The following FAM178B variants were observed in gnomAD, a reference collection of about 807,000 sequenced individuals.
The protein encoded by FAM178B is protein FAM178B.
FAM178B carries 82 observed loss-of-function variants against 91.7 expected under a neutral mutation model. The ratio of observed to expected loss-of-function variants is 0.89; its 90% CI spans 0.75 to 1.07. The LOEUF (loss-of-function observed/expected upper bound fraction) is 1.07. FAM178B is among the 50% of genes least tolerant of loss of function. FAM178B has a pLI of 0.00. For missense variants in FAM178B, 769 were observed against 846.7 expected (o/e 0.91, Z 1.14); for synonymous variants, 368 against 359.4 (o/e 1.02, Z -0.27).
chr2:96,888,445 G>A (rs1000214513), intron 14 of FAM178B, among the ~76,000 whole-genome samples: 1 of 152,244 alleles, frequency 6.6e-6, no homozygotes, highest in Non-Finnish European at 1.5e-5. Context: ...GGGACAGAGG[G>A]TAAGTGGCCT....
chr2:96,974,650 G>C (rs1287179174), intron 1 of FAM178B, among the ~76,000 whole-genome samples: 1 of 152,090 alleles, frequency 6.6e-6, no homozygotes, highest in Non-Finnish European at 1.5e-5. Flanking sequence ...GGTTGAAAAT[G>C]CAAGTATGCA....
chr2:96,928,956 C>T (rs903707295), intron 9 of FAM178B, among the ~76,000 whole-genome samples: 1 of 149,742 alleles, frequency 6.7e-6, no homozygotes, highest in Admixed American at 6.6e-5. Context: ...TCAAGACTAG[C>T]CTGGACAACG....
chr2:96,962,690 C>T (rs558544532), intron 5 of FAM178B, among the ~76,000 whole-genome samples: 3 of 152,304 alleles, frequency 2.0e-5, no homozygotes, highest in African/African-American at 7.2e-5. Context: ...GCTCAGCACA[C>T]ACGCAAGGTC....
intron 6 of FAM178B, chr2:96,956,863 A>G (rs1262823361): frequency 1.3e-5 from 2 of 152,134 alleles, no homozygotes; most frequent in Non-Finnish European, 2.9e-5. Flanking sequence ...CTTTTTATTT[A>G]TTATTATTTT....
chr2:96,923,644 G>C (rs938205103), intron 9 of FAM178B, 61 bp from the exon 10 acceptor site: 1 of 1,304,678 alleles, frequency 7.7e-7, no homozygotes, highest in African/African-American at 1.5e-5. Flanking sequence ...GGGCAGGAGT[G>C]AGGCGCAAAG....
At chr2:96,894,896 C>A (rs1293370865) in intron 13 of FAM178B, among the ~76,000 whole-genome samples, 1 of 133,858 alleles carries the variant, frequency 7.5e-6, no homozygotes, top group African/African-American at 2.8e-5. Flanking sequence ...CCCCCACAGA[C>A]CCTCACCCAC....
intron 6 of FAM178B, chr2:96,951,723 T>C: frequency 2.2e-6 from 1 of 453,474 alleles, no homozygotes; most frequent in Non-Finnish European, 4.1e-6. Flanking sequence ...CTCATGGTGT[T>C]TAAAACACAT....
chr2:96,971,831 G>C, intron 3 of FAM178B, 70 bp downstream of exon 3: 5 of 1,386,192 alleles, frequency 3.6e-6, no homozygotes, highest in Non-Finnish European at 4.8e-6. Flanking sequence ...GGGTGGCCTG[G>C]GGTGACTGTA....
At chr2:96,962,874 C>T (rs913998892) in intron 5 of FAM178B, among the ~76,000 whole-genome samples, 2 of 152,180 alleles carry the variant, frequency 1.3e-5, no homozygotes, top group Admixed American at 1.3e-4. Flanking sequence ...CCACCCTAAG[C>T]ATCCCTTCCT....
In FAM178B at chr2:96,972,042, C is replaced by A; in HGVS notation, c.423G>T (p.Gln141His). ...AQRWVGVVGP[Q>H]GLRRLAGELP... is the part of the protein sequence containing the mutation. ...GCTCACCAGCCAGTCTCCTCAGGCC[C>A]TGGGGGCCCACCACACCCACCCACC... Residue 141 changes from glutamine (Q) to histidine (H), a missense_variant, in exon 3 of 17, where the codon CAG becomes CAT. Coordinates refer to ENST00000490605, the MANE Select transcript of FAM178B (RefSeq NM_001122646.3). 6.4e-7 allele frequency: 1 copy of A among 1,550,886 alleles called. No homozygotes were observed. Among genetic ancestry groups the A allele is most frequent in the East Asian group, 2.4e-5 (1 of 40,984 alleles).
intron 8 of FAM178B, among the ~76,000 whole-genome samples, chr2:96,945,511 C>T (rs1272016373): frequency 6.6e-6 from 1 of 152,140 alleles, no homozygotes; most frequent in Non-Finnish European, 1.5e-5. Flanking sequence ...CTCCTGTTTA[C>T]ATATGAGAAG....
intron 7 of FAM178B, among the ~76,000 whole-genome samples, chr2:96,949,336 C>G (rs1442250867): frequency 6.6e-6 from 1 of 152,166 alleles, no homozygotes; most frequent in Non-Finnish European, 1.5e-5. Flanking sequence ...GCCCTGGGAC[C>G]CCACTTCCCG....
chr2:96,929,167 T>TATGAAAGAAA, intron 9 of FAM178B, 39 bp downstream of exon 9: 1 of 1,386,898 alleles, frequency 7.2e-7, no homozygotes, highest in Non-Finnish European at 1.0e-6. Flanking sequence ...TCTTAAAAAA[T>TATGAAAGAAA]ATGAAAGAAA....
intron 13 of FAM178B, among the ~76,000 whole-genome samples, chr2:96,899,892 C>T (rs578154284): frequency 3.7e-4 from 51 of 136,132 alleles, no homozygotes; most frequent in Non-Finnish European, 7.2e-4. Context: ...AGGTGTCTGG[C>T]TCTGTTGCCC....
In FAM178B at chr2:96,949,785, G is replaced by A. The variant is rs377293342; in HGVS notation, c.993+1594C>T. On this transcript the variant is annotated intron_variant, in intron 7 of 16. Coordinates refer to ENST00000490605, the MANE Select transcript of FAM178B (RefSeq NM_001122646.3). ...TGAACTGGAACTCTGCACTAACAGC[G>A]TGCCTCACAGAGGACACCCAGGCCC... 2.3e-4 allele frequency among the ~76,000 whole-genome samples: 35 copies of A among 152,308 alleles called. No homozygotes were observed. In the East Asian group the frequency reaches 3.7e-3, roughly 16 times the overall value.
At chr2:96,927,043 C>G (rs575854583) in intron 9 of FAM178B, among the ~76,000 whole-genome samples, 3 of 152,166 alleles carry the variant, frequency 2.0e-5, no homozygotes, top group East Asian at 3.9e-4. Context: ...GGAGCCAGGA[C>G]GAGAAGGAAC....
At chr2:96,886,195 T>C (rs2080516042) in intron 14 of FAM178B, among the ~76,000 whole-genome samples, 1 of 152,190 alleles carries the variant, frequency 6.6e-6, no homozygotes, top group Non-Finnish European at 1.5e-5. Flanking sequence ...CCCAGCCTCC[T>C]GTCCCCTACA....
chr2:96,959,873 C>T (rs149510904), intron 6 of FAM178B, among the ~76,000 whole-genome samples: 127 of 152,294 alleles, frequency 8.3e-4, no homozygotes, highest in African/African-American at 2.9e-3. Context: ...TTTTCAGTGT[C>T]TGCATCACAC....
At chr2:96,967,911 C>CTGTTTTTTTTTTTTTTTT (rs2082165689) in intron 4 of FAM178B, among the ~76,000 whole-genome samples, 1 of 62,418 alleles carries the variant, frequency 1.6e-5, no homozygotes, top group Non-Finnish European at 3.0e-5. Context: ...CCTGTTTGGT[C>CTGTTTTTTTTTTTTTTTT]TTTTTTTTTT....
Sources: gnomAD v4.1 joint callset for allele counts (sites outside exome capture counted in the v4.1 genomes callset) on GRCh38, gnomAD v4.1.1 for gene constraint, MANE v1.5 for transcripts, NCBI Gene and HGNC (gene_info 2026-07-23, HGNC 2026-07-21) for gene names.